Variants in DNAH14 observed in about 807,000 individuals in gnomAD.
DNAH14 encodes axonemal beta dynein heavy chain 14.
A neutral mutation model predicts 520.9 loss-of-function variants in DNAH14; 478 were observed. The ratio of observed to expected loss-of-function variants is 0.92; its 90% CI spans 0.85 to 0.99. The LOEUF (loss-of-function observed/expected upper bound fraction) is 0.99, where lower values mean the gene tolerates loss of function less well. Ranked by LOEUF, DNAH14 falls within the 50% of genes least tolerant of loss-of-function variation. The pLI is 0.00. For missense variants in DNAH14, 4,831 were observed against 5,234.5 expected (o/e 0.92, Z 2.38); for synonymous variants, 1,581 against 1,757.2 (o/e 0.90, Z 2.51).
chr1:225,011,018 C>A (rs1042135047), intron 10 of DNAH14, among the ~76,000 whole-genome samples: 1 of 150,564 alleles, frequency 6.6e-6, no homozygotes, highest in African/African-American at 2.5e-5. Flanking sequence ...AGTGGTCTAT[C>A]CATTTTGTTA....
At chr1:225,235,089 G>A (rs1277881653) in intron 42 of DNAH14, among the ~76,000 whole-genome samples, 1 of 152,136 alleles carries the variant, frequency 6.6e-6, no homozygotes, top group Non-Finnish European at 1.5e-5. Flanking sequence ...ATGTTGAATA[G>A]GAGTGGTGAA....
intron 1 of DNAH14, among the ~76,000 whole-genome samples, chr1:224,943,381 CTCTTT>C (rs1238929946): frequency 6.8e-6 from 1 of 147,432 alleles, no homozygotes; most frequent in Non-Finnish European, 1.5e-5. Context: ...TGATTCCTCT[CTCTTT>C]TCTTCTTTAT....
At chr1:225,369,817 T>G (rs1445343062) in intron 77 of DNAH14, among the ~76,000 whole-genome samples, 1 of 152,112 alleles carries the variant, frequency 6.6e-6, no homozygotes, top group Non-Finnish European at 1.5e-5. Context: ...TAATAAAAAT[T>G]TGACCCCTAA....
intron 17 of DNAH14, among the ~76,000 whole-genome samples, chr1:225,058,619 T>C (rs896072473): frequency 6.6e-6 from 1 of 152,210 alleles, no homozygotes; most frequent in African/African-American, 2.4e-5. Context: ...TTAATTGTGA[T>C]GTTAGGGTGT....
At chr1:225,202,288 G>C (rs2086941725) in intron 38 of DNAH14, among the ~76,000 whole-genome samples, 1 of 152,226 alleles carries the variant, frequency 6.6e-6, no homozygotes, top group Admixed American at 6.5e-5. Context: ...AGCTACCAGG[G>C]TGGGTAGGGA....
intron 41 of DNAH14, among the ~76,000 whole-genome samples, chr1:225,215,809 T>C (rs903239077): frequency 6.6e-6 from 1 of 152,230 alleles, no homozygotes; most frequent in Admixed American, 6.5e-5. Context: ...GAGATGGGTA[T>C]CCTGAATACA....
chr1:225,119,197 A>G (rs2077105738), intron 25 of DNAH14, 23 bp from the exon 26 acceptor site: 13 of 1,470,058 alleles, frequency 8.8e-6, no homozygotes, highest in Non-Finnish European at 1.2e-5. Flanking sequence ...TCTTCATGAT[A>G]TTATTTTTGA....
At chr1:225,308,908 C>T (rs1238753240) in intron 60 of DNAH14, among the ~76,000 whole-genome samples, 1 of 152,204 alleles carries the variant, frequency 6.6e-6, no homozygotes, top group African/African-American at 2.4e-5. Flanking sequence ...AGTAGCTATT[C>T]CTGCTCAGAG....
chr1:225,038,624 T>C, intron 11 of DNAH14, 70 bp from the exon 12 acceptor site: 1 of 1,420,664 alleles, frequency 7.0e-7, no homozygotes, highest in Non-Finnish European at 9.3e-7. Flanking sequence ...TGTTGAGTTG[T>C]AGGTGTTCTT....
chr1:225,050,391 A>G lies in DNAH14; in HGVS notation c.2079+15A>G, dbSNP rs1250659599. On this transcript the variant is annotated intron_variant, in intron 16 of 85. Transcript: ENST00000682510. ...ACCAAAATATAGTAAGTTTTAAAAC[A>G]GTTCATTTTAGGAAATGTTTAAGGA... is the stretch of plus-strand genomic sequence containing the variant. 1.3e-6 allele frequency: 2 copies of G among 1,517,440 alleles called. No individual in the cohort carries two copies. Among genetic ancestry groups the G allele is most frequent in the African/African-American group, 2.8e-5 (2 of 70,962 alleles). 94.0% of individuals were successfully genotyped at this position (1,517,440 alleles called of 1,614,324 possible).
At position 225,204,222 on chromosome 1, in the gene DNAH14, G is replaced by A. The variant is rs1415187709; in HGVS notation, c.5926G>A (p.Asp1976Asn). The A allele has an allele frequency of 6.7e-7, 1 of 1,490,812 alleles. No individual in the cohort carries two copies. Among genetic ancestry groups the A allele is most frequent in the Non-Finnish European group, 8.9e-7 (1 of 1,127,378 alleles). 92.3% of individuals were successfully genotyped at this position (1,490,812 alleles called of 1,614,324 possible). The change falls in exon 39 of 86, where the codon GAT becomes AAT. Residue 1976 changes from aspartate (D) to asparagine (N), a missense_variant. Transcript: ENST00000682510. ...TTCCTCTGATACAACAGAGACTGAT[G>A]ATAATATTTTTGAGGAGATAGAGAA... ...LDSSDTTETDDNIFEEIEKVV... is the reference protein window; with the variant it reads ...LDSSDTTETDNNIFEEIEKVV...
At chr1:225,146,331 A>C (rs376639424) in intron 30 of DNAH14, among the ~76,000 whole-genome samples, 1 of 152,140 alleles carries the variant, frequency 6.6e-6, no homozygotes, top group Non-Finnish European at 1.5e-5. Context: ...GCTCTCACTT[A>C]CTCATTCCGA....
chr1:225,289,357 A>G (rs888295533), intron 54 of DNAH14, among the ~76,000 whole-genome samples: 1 of 152,150 alleles, frequency 6.6e-6, no homozygotes, highest in African/African-American at 2.4e-5. Flanking sequence ...CCAAAACTGA[A>G]TTGTGACAAG....
rs542265329 is a variant in DNAH14, at chr1:225,265,036, C to A, written c.7223-146C>A. On this transcript the variant is annotated intron_variant, in intron 47 of 85. Transcript: ENST00000682510. ...ACCATAAAATAGCAAAGAAATATTC[C>A]AAAGTTCTATCGGAGTAATTTCTTG... 2.2e-4 allele frequency: 139 copies of A among 632,272 alleles called. 1 individual carries two copies. In the African/African-American group the frequency reaches 2.5e-3, roughly 12 times the overall value. 39.2% of individuals were successfully genotyped at this position (632,272 alleles called of 1,614,324 possible).
chr1:225,290,154 A>G lies in DNAH14; in HGVS notation c.8469+72A>G, dbSNP rs1018749588. On this transcript the variant is annotated intron_variant, in intron 55 of 85. Transcript: ENST00000682510. ...TGGCTACCCCCTCCCCAAAAATTTA[A>G]TATTTGAAAAGAAAACAAGAAAATA... 84 of 1,108,688 alleles carry G rather than the reference A, an allele frequency of 7.6e-5. No homozygotes were observed. In the South Asian group the frequency reaches 1.3e-3, roughly 17 times the overall value. The allele number at this position is 1,108,688 out of a possible 1,614,324, so 68.7% of individuals were successfully genotyped here. A position where few individuals can be genotyped will look rare whatever the true frequency, so the allele number is the denominator to read the frequency against.
chr1:225,070,657 C>T (rs1044747269), intron 17 of DNAH14, among the ~76,000 whole-genome samples: 8 of 152,016 alleles, frequency 5.3e-5, no homozygotes, highest in African/African-American at 1.2e-4. Flanking sequence ...AAGTGCCATG[C>T]GGTGATGAAA....
rs2066852925 is a variant in DNAH14, at chr1:225,035,107, G to T, written c.1359-3587G>T. Among the ~76,000 whole-genome samples, 8 of 151,558 alleles carry T rather than the reference G, an allele frequency of 5.3e-5. No individual in the cohort carries two copies. The South Asian group carries it at 1.7e-3, about 32-fold the overall frequency. On this transcript the variant is annotated intron_variant, in intron 11 of 85. Coordinates refer to ENST00000682510, the MANE Select transcript of DNAH14 (RefSeq NM_001367479.1). The stretch of plus-strand genomic sequence containing the variant: ...TTTCCTTCTGTTGGGCTCTGATTTT[G>T]GTTATTTCTTGTCTTCTGCTAGCTT...
At position 225,353,801 on chromosome 1, in the gene DNAH14, A is replaced by T. The variant is rs957004923; in HGVS notation, c.11534-2A>T. 3.5e-6 allele frequency: 5 copies of T among 1,440,996 alleles called. No homozygotes were observed. In the African/African-American group the frequency reaches 5.7e-5, roughly 17 times the overall value. 89.3% of individuals were successfully genotyped at this position (1,440,996 alleles called of 1,614,324 possible). ...CAGTTTCTTTCTCTAAATTATATCT[A>T]GCTGAACTTTTGAATGAAAATAAAG... On this transcript the variant is annotated splice_acceptor_variant, in intron 72 of 85. Coordinates refer to ENST00000682510, the MANE Select transcript of DNAH14 (RefSeq NM_001367479.1). LOFTEE classifies it high-confidence loss of function.
intron 64 of DNAH14, among the ~76,000 whole-genome samples, chr1:225,327,658 G>A (rs1366312641): frequency 6.6e-6 from 1 of 151,600 alleles, no homozygotes; most frequent in Non-Finnish European, 1.5e-5. Flanking sequence ...CACACCTGAA[G>A]GAACTAAACA....
Sources: allele counts gnomAD v4.1 joint callset (sites outside exome capture counted in the v4.1 genomes callset), GRCh38; gene constraint gnomAD v4.1.1; transcripts MANE v1.5; gene names NCBI Gene and HGNC (gene_info 2026-07-23, HGNC 2026-07-21).